The following AGBL1 variants were observed in gnomAD, a reference collection of about 807,000 sequenced individuals.
AGBL1 encodes cytosolic carboxypeptidase 4.
AGBL1 carries 130 observed loss-of-function variants against 118.9 expected under a neutral mutation model. The ratio of observed to expected loss-of-function variants is 1.09; its 90% CI spans 0.95 to 1.26. The LOEUF is 1.26. Ranked by LOEUF, AGBL1 falls within the 50% of genes most tolerant of loss-of-function variation. The probability of loss-of-function intolerance (pLI) is 0.00; values close to 1 mark genes in which losing one functional copy is unlikely to be tolerated. For synonymous variants in AGBL1, 555 were observed against 478.9 expected (o/e 1.16, Z -2.08); for missense variants, 1,584 against 1,298.1 (o/e 1.22, Z -3.38).
At chr15:86,865,451 G>A (rs2079613102) in intron 22 of AGBL1, among the ~76,000 whole-genome samples, 1 of 152,154 alleles carries the variant, frequency 6.6e-6, no homozygotes, top group African/African-American at 2.4e-5. Context: ...CAGGCCCTTG[G>A]CATAATTGGA....
chr15:86,744,922 C>T (rs2077733365), intron 22 of AGBL1, among the ~76,000 whole-genome samples: 1 of 152,106 alleles, frequency 6.6e-6, no homozygotes, highest in Admixed American at 6.5e-5. Context: ...CAGCTCTATC[C>T]TGCTCTTGGT....
intron 24 of AGBL1, among the ~76,000 whole-genome samples, chr15:87,004,634 C>T (rs1210001747): frequency 1.3e-5 from 2 of 152,130 alleles, no homozygotes; most frequent in African/African-American, 4.8e-5. Flanking sequence ...GGTCTTGACT[C>T]TTTATCCAAT....
chr15:86,124,175 C>T (rs1007947122), intron 1 of AGBL1, among the ~76,000 whole-genome samples: 16 of 151,856 alleles, frequency 1.1e-4, no homozygotes, highest in African/African-American at 3.6e-4. Context: ...ACTGAAAATA[C>T]AAAATGTAGC....
intron 15 of AGBL1, among the ~76,000 whole-genome samples, chr15:86,274,618 G>A (rs2079216105): frequency 6.6e-6 from 1 of 152,134 alleles, no homozygotes; most frequent in Non-Finnish European, 1.5e-5. Flanking sequence ...CCTCTCCCAT[G>A]CAACAATCGA....
At chr15:86,186,264 A>C (rs991546370) in intron 5 of AGBL1, among the ~76,000 whole-genome samples, 16 of 152,142 alleles carry the variant, frequency 1.1e-4, no homozygotes, top group Non-Finnish European at 2.4e-4. Context: ...ATAAATAGCT[A>C]ATGTATGCTG....
intron 22 of AGBL1, among the ~76,000 whole-genome samples, chr15:86,880,639 ATGTGTGTATGCATG>A (rs1567221434): frequency 6.6e-6 from 1 of 152,048 alleles, no homozygotes; most frequent in African/African-American, 2.4e-5. Context: ...AATTGTGTGC[ATGTGTGTATGCATG>A]TGTGTGGATG....
intron 17 of AGBL1, among the ~76,000 whole-genome samples, chr15:86,381,410 A>G (rs1044718500): frequency 6.8e-6 from 1 of 146,630 alleles, no homozygotes; most frequent in East Asian, 2.0e-4. Flanking sequence ...GAGCTGATAC[A>G]CTTTTTTTTT....
At chr15:86,518,737 T>C (rs1462506569) in intron 18 of AGBL1, among the ~76,000 whole-genome samples, 1 of 151,966 alleles carries the variant, frequency 6.6e-6, no homozygotes, top group Non-Finnish European at 1.5e-5. Context: ...AAACATTCAG[T>C]CAGTGCAAAA....
chr15:86,658,483 C>T, intron 21 of AGBL1, among the ~76,000 whole-genome samples: 1 of 152,148 alleles, frequency 6.6e-6, no homozygotes, highest in East Asian at 1.9e-4. Flanking sequence ...TATTTTGATT[C>T]TGGATTAAGT....
rs80250827 is a variant in AGBL1 at position 86,995,361 on chromosome 15, G to A, written c.3323+7273G>A. On this transcript the variant is annotated intron_variant, in intron 24 of 24. Transcript: ENST00000441037. The stretch of plus-strand genomic sequence containing the variant: ...GGATGGTGCCACTGTACTCCAGGGT[G>A]AGTGACAGAGCGAGAACCTGTCTCA... 6.8e-3 allele frequency among the ~76,000 whole-genome samples: 1,041 copies of A among 152,284 alleles called. 2 individuals carry two copies. Among genetic ancestry groups the A allele is most frequent in the Non-Finnish European group, 0.012 (784 of 68,014 alleles).
intron 22 of AGBL1, among the ~76,000 whole-genome samples, chr15:86,874,724 A>G (rs1157397450): frequency 2.0e-5 from 3 of 152,172 alleles, no homozygotes; most frequent in African/African-American, 7.2e-5. Context: ...GAATTTCTCA[A>G]ATACTTTTAA....
At chr15:86,099,080 T>A (rs193064934) in intron 1 of AGBL1, among the ~76,000 whole-genome samples, 28 of 152,238 alleles carry the variant, frequency 1.8e-4, no homozygotes, top group African/African-American at 6.5e-4. Flanking sequence ...ACAGCAAAAG[T>A]TGTGCTAGGA....
intron 1 of AGBL1, among the ~76,000 whole-genome samples, chr15:86,091,772 A>ATCTCACAATC (rs1896043422): frequency 6.6e-6 from 1 of 151,936 alleles, no homozygotes; most frequent in Non-Finnish European, 1.5e-5. Context: ...CAGTAAAATA[A>ATCTCACAATC]ATCTCACAAT....
At chr15:86,655,613 C>T (rs1165152730) in intron 21 of AGBL1, among the ~76,000 whole-genome samples, 1 of 152,120 alleles carries the variant, frequency 6.6e-6, no homozygotes, top group Non-Finnish European at 1.5e-5. Context: ...CCATCAAATT[C>T]ATATATGTTG....
At chr15:86,554,579 C>G (rs780382466) in intron 21 of AGBL1, 42 bp downstream of exon 21, 3 of 1,410,148 alleles carry the variant, frequency 2.1e-6, no homozygotes, top group East Asian at 2.8e-5. Flanking sequence ...TGTCCAGCAA[C>G]AATACATAGA....
At chr15:86,844,349 G>A (rs1209181969) in intron 22 of AGBL1, among the ~76,000 whole-genome samples, 1 of 152,256 alleles carries the variant, frequency 6.6e-6, no homozygotes, top group East Asian at 1.9e-4. Flanking sequence ...GAGGGTTCCA[G>A]TTTTCCTACA....
chr15:86,259,899 GC>G (rs2078955069), intron 9 of AGBL1, among the ~76,000 whole-genome samples: 1 of 152,236 alleles, frequency 6.6e-6, no homozygotes, highest in Non-Finnish European at 1.5e-5. Context: ...ACTTCCCACA[GC>G]ATGGGAGGGA....
At chr15:86,562,319 C>T (rs2083837396) in intron 21 of AGBL1, among the ~76,000 whole-genome samples, 1 of 152,186 alleles carries the variant, frequency 6.6e-6, no homozygotes. Context: ...TATGTCCCAT[C>T]AATACCTAAT....
chr15:86,474,433 G>A (rs770088540), intron 18 of AGBL1, among the ~76,000 whole-genome samples: 8 of 152,154 alleles, frequency 5.3e-5, no homozygotes, highest in African/African-American at 9.7e-5. Context: ...ATTATATCCC[G>A]TGCCTGGCTC....
Sources: gnomAD v4.1 joint callset for allele counts (sites outside exome capture counted in the v4.1 genomes callset) on GRCh38, gnomAD v4.1.1 for gene constraint, MANE v1.5 for transcripts, NCBI Gene and HGNC (gene_info 2026-07-23, HGNC 2026-07-21) for gene names.